ASPSCR1: variants seen among roughly 807,000 people sequenced by gnomAD.
The protein encoded by ASPSCR1 is tether containing UBX domain for GLUT4.
A neutral mutation model predicts 68.9 loss-of-function variants in ASPSCR1; 55 were observed. That is an observed-to-expected ratio of 0.80 (90% CI 0.64 to 1.00). ASPSCR1 has a LOEUF of 1.00. Among genes scored for constraint, ASPSCR1 ranks in the 50% least tolerant of loss-of-function variants. ASPSCR1 has a pLI of 0.00. For synonymous variants in ASPSCR1, 352 were observed against 332.6 expected (o/e 1.06, Z -0.63); for missense variants, 765 against 762.2 (o/e 1.00, Z -0.04).
intron 13 of ASPSCR1, 37 bp downstream of exon 13, chr17:82,016,564 G>C: frequency 2.6e-6 from 4 of 1,549,006 alleles, no homozygotes; most frequent in Non-Finnish European, 2.6e-6. Flanking sequence ...TCGGAGTCCA[G>C]CCAGCCTGTC....
Position 81,977,745 on chromosome 17 carries a change from T to A in ASPSCR1, c.99T>A (p.Leu33=). Reference sequence around the variant, plus strand: ...AGGTGACGCCGAGCACCGTGCTGCTTCAGGTGCGGCCGCCCGCCCGGGGCG... The same window carrying A: ...AGGTGACGCCGAGCACCGTGCTGCTACAGGTGCGGCCGCCCGCCCGGGGCG... ...TVKVTPSTVL[L]QVLEDTCRRQ... Residue 33 remains leucine, a synonymous_variant, in exon 1 of 16, where the codon CTT becomes CTA. Coordinates refer to ENST00000306739, the MANE Select transcript of ASPSCR1 (RefSeq NM_024083.4). The surrounding 1 kb of genome is among the most constrained non-coding windows in gnomAD (Gnocchi z 5.0). 1.6e-6 allele frequency: 2 copies of A among 1,237,390 alleles called. No individual in the cohort carries two copies. Among genetic ancestry groups the A allele is most frequent in the Non-Finnish European group, 2.0e-6 (2 of 988,722 alleles). The allele number at this position is 1,237,390 out of a possible 1,614,324, so 76.7% of individuals were successfully genotyped here.
intron 7 of ASPSCR1, among the ~76,000 whole-genome samples, chr17:82,003,566 G>A (rs80320521): frequency 0.023 from 3,477 of 152,354 alleles, 43 homozygotes; most frequent in East Asian, 0.037. Flanking sequence ...GCCTGGGGGC[G>A]GCGCCGTCTC....
chr17:81,995,242 A>T, intron 5 of ASPSCR1: 136 of 284,948 alleles, frequency 4.8e-4, no homozygotes, highest in Middle Eastern at 4.3e-3. Context: ...CTGGCCTCAC[A>T]GGGGCCTTTT....
chr17:82,016,202 C>G, intron 12 of ASPSCR1: 1 of 508,440 alleles, frequency 2.0e-6, no homozygotes, highest in South Asian at 3.0e-5. Context: ...GACGGTGATG[C>G]TGCATGGCTT....
In ASPSCR1 at chr17:81,999,793, G is replaced by A. The variant is rs2042468651; in HGVS notation, c.933+2947G>A. ...CCACTTCTGAGTGAAGCAACCTCAT[G>A]CCTCCCTCTTGCCTCCCGGCCACAC... On this transcript the variant is annotated intron_variant, in intron 7 of 15. Coordinates refer to ENST00000306739, the MANE Select transcript of ASPSCR1 (RefSeq NM_024083.4). The surrounding 1 kb of genome is among the most constrained non-coding windows in gnomAD (Gnocchi z 4.4). Among the ~76,000 whole-genome samples, 1 of 152,158 alleles carries A rather than the reference G, an allele frequency of 6.6e-6. No homozygotes were observed. The highest frequency in any genetic ancestry group is 1.5e-5 in the Non-Finnish European group (1 of 68,022).
chr17:82,002,491 G>A (rs1047987075), intron 7 of ASPSCR1, among the ~76,000 whole-genome samples: 3 of 152,056 alleles, frequency 2.0e-5, no homozygotes, highest in African/African-American at 7.2e-5. Context: ...CTGACCTCAG[G>A]TGATCCACTT....
rs2042446779 is a variant in ASPSCR1, at chr17:81,999,099, G to A, written c.933+2253G>A. 1.3e-5 allele frequency among the ~76,000 whole-genome samples: 2 copies of A among 152,244 alleles called. No homozygotes were observed. Among genetic ancestry groups the A allele is most frequent in the African/African-American group, 4.8e-5 (2 of 41,462 alleles). Reference sequence around the variant, plus strand: ...TCAGCTTCCTCACCTGCAGAACTAAGGTGTTCGTGGCATTTATGGGTTTTG... The same window carrying A: ...TCAGCTTCCTCACCTGCAGAACTAAAGTGTTCGTGGCATTTATGGGTTTTG... On this transcript the variant is annotated intron_variant, in intron 7 of 15. Transcript: ENST00000306739. This position sits in a 1 kb window ranked among gnomAD's most constrained non-coding sequence, Gnocchi z 4.4.
intron 3 of ASPSCR1, among the ~76,000 whole-genome samples, chr17:81,985,247 CAT>C (rs955690088): frequency 2.4e-4 from 37 of 152,130 alleles, no homozygotes; most frequent in South Asian, 6.2e-4. Context: ...CCCACACACA[CAT>C]ATGCACACAC....
intron 7 of ASPSCR1, among the ~76,000 whole-genome samples, chr17:81,997,341 C>T (rs563244866): frequency 6.6e-6 from 1 of 152,112 alleles, no homozygotes; most frequent in Non-Finnish European, 1.5e-5. Context: ...GGGGTGGTAA[C>T]TTCCGGGTTA....
chr17:82,015,020 C>T lies in ASPSCR1; in HGVS notation c.1354-1456C>T, dbSNP rs1044939395. ...TCAGCCTGTGCCTCCCTCAAAGGCC[C>T]TTCCCGGGCCCTGCTCTGGCTGGGG... is the stretch of plus-strand genomic sequence containing the variant. On this transcript the variant is annotated intron_variant, in intron 12 of 15. Transcript: ENST00000306739. 3.9e-6 allele frequency: 6 copies of T among 1,521,794 alleles called. No homozygotes were observed. In the African/African-American group the frequency reaches 8.2e-5, roughly 21 times the overall value. The allele number at this position is 1,521,794 out of a possible 1,614,324, so 94.3% of individuals were successfully genotyped here.
Position 81,983,518 on chromosome 17 carries a change from T to C in ASPSCR1, c.159-36T>C. The stretch of plus-strand genomic sequence containing the variant: ...GTGGATGGCAGGGCGTGTCAGGCTC[T>C]GCAGGGCAGCAAGTGTGCTCTGGTC... On this transcript the variant is annotated intron_variant, in intron 2 of 15. Coordinates refer to ENST00000306739, the MANE Select transcript of ASPSCR1 (RefSeq NM_024083.4). This position sits in a 1 kb window ranked among gnomAD's most constrained non-coding sequence, Gnocchi z 4.4. The C allele has an allele frequency of 6.8e-7, 1 of 1,479,528 alleles. No individual in the cohort carries two copies. The highest frequency in any genetic ancestry group is 2.3e-5 in the East Asian group (1 of 43,006). 91.7% of individuals were successfully genotyped at this position (1,479,528 alleles called of 1,614,324 possible). A position where few individuals can be genotyped will look rare whatever the true frequency, so the allele number is the denominator to read the frequency against.
chr17:82,012,188 G>A, intron 11 of ASPSCR1, 43 bp from the exon 12 acceptor site: 1 of 1,593,918 alleles, frequency 6.3e-7, no homozygotes, highest in East Asian at 2.2e-5. Context: ...GGATGGGCGA[G>A]GTCCACGGTG....
At chr17:82,009,010 G>A (rs376911078) in intron 7 of ASPSCR1, 27 bp from the exon 8 acceptor site, 31 of 1,477,242 alleles carry the variant, frequency 2.1e-5, no homozygotes, top group South Asian at 2.7e-5. Flanking sequence ...CGTGACACCC[G>A]CCGTCAGCCG....
intron 12 of ASPSCR1, chr17:82,016,038 C>G (rs2043114588): frequency 5.3e-6 from 1 of 188,206 alleles, no homozygotes; most frequent in Non-Finnish European, 1.1e-5. Flanking sequence ...AGCCTGTGGC[C>G]CTGAGCAGCC....
At chr17:82,009,406 G>T in intron 8 of ASPSCR1, 80 bp from the exon 9 acceptor site, 1 of 1,441,784 alleles carries the variant, frequency 6.9e-7, no homozygotes, top group Non-Finnish European at 9.4e-7. Context: ...ACCCTGGAGG[G>T]TGCAGGTGAG....
At chr17:82,015,506 G>A (rs2043092607) in intron 12 of ASPSCR1, 5 of 1,074,030 alleles carry the variant, frequency 4.7e-6, no homozygotes, top group Non-Finnish European at 6.5e-6. Context: ...GTGCTGGTTG[G>A]GGGTCCTGGC....
chr17:81,984,304 G>A (rs1286240856), intron 3 of ASPSCR1, among the ~76,000 whole-genome samples: 1 of 152,152 alleles, frequency 6.6e-6, no homozygotes, highest in Non-Finnish European at 1.5e-5. Context: ...CTGCATGGAT[G>A]CCGCAAGGGC....
At chr17:82,014,695 G>A (rs2043063119) in intron 12 of ASPSCR1, 8 of 251,370 alleles carry the variant, frequency 3.2e-5, no homozygotes, top group South Asian at 2.5e-4. Context: ...TGGAGGGGGC[G>A]GCCAGGCGCT....
At position 82,010,878 on chromosome 17, in the gene ASPSCR1, G is replaced by A. The variant is rs201439503; in HGVS notation, c.1237+10G>A. The A allele has an allele frequency of 3.4e-4, 542 of 1,610,912 alleles. 2 individuals carry two copies. The highest frequency in any genetic ancestry group is 3.9e-4 in the Non-Finnish European group (460 of 1,179,736). On this transcript the variant is annotated intron_variant, in intron 10 of 15. Coordinates refer to ENST00000306739, the MANE Select transcript of ASPSCR1 (RefSeq NM_024083.4). ...CGCCCCAGCGAGACAGGTGGGCAGCGCTGTGGGGTGTCCGGGGATGGGGGG... is the reference window on the plus strand; with the variant it reads ...CGCCCCAGCGAGACAGGTGGGCAGCACTGTGGGGTGTCCGGGGATGGGGGG...
Sources: allele counts gnomAD v4.1 joint callset (sites outside exome capture counted in the v4.1 genomes callset), GRCh38; gene constraint gnomAD v4.1.1; non-coding constraint Gnocchi (gnomAD v3.1); transcripts MANE v1.5; gene names NCBI Gene and HGNC (gene_info 2026-07-23, HGNC 2026-07-21).